PRKCH: variants seen among roughly 807,000 people sequenced by gnomAD.
The protein encoded by PRKCH is protein kinase C eta type.
Under a neutral mutation model 82.5 loss-of-function variants are expected in PRKCH, and 28 were observed. The ratio of observed to expected loss-of-function variants is 0.34; its 90% CI spans 0.25 to 0.47. The LOEUF is 0.47. Ranked by LOEUF, PRKCH falls within the 20% of genes least tolerant of loss-of-function variation. The pLI, the probability that PRKCH is intolerant of heterozygous loss-of-function variation, is 1.00. For synonymous variants in PRKCH, 322 were observed against 327.4 expected (o/e 0.98, Z 0.18); for missense variants, 705 against 881.8 (o/e 0.80, Z 2.54).
At chr14:61,276,911 T>C (rs1391207609) in intron 1 of PRKCH, among the ~76,000 whole-genome samples, 2 of 152,076 alleles carry the variant, frequency 1.3e-5, no homozygotes, top group African/African-American at 4.8e-5. Context: ...AGGCCGGGTT[T>C]GGTGGCTCAC....
chr14:61,295,150 G>A (rs1210221674), intron 1 of PRKCH, among the ~76,000 whole-genome samples: 1 of 152,182 alleles, frequency 6.6e-6, no homozygotes, highest in East Asian at 1.9e-4. Context: ...ACAGCCATGA[G>A]CCACCACGCC....
intron 2 of PRKCH, among the ~76,000 whole-genome samples, chr14:61,415,565 T>C (rs939319686): frequency 6.6e-6 from 1 of 152,246 alleles, no homozygotes; most frequent in Admixed American, 6.5e-5. Context: ...GCATTTACTT[T>C]AGGCTACACT....
At chr14:61,352,679 A>AAAG (rs145542978) in intron 1 of PRKCH, among the ~76,000 whole-genome samples, 1,342 of 120,652 alleles carry the variant, frequency 0.011, 21 homozygotes, top group African/African-American at 0.037. Flanking sequence ...AGAGAGAGAG[A>AAAG]GAAAGGAAAG....
intron 1 of PRKCH, among the ~76,000 whole-genome samples, chr14:61,313,390 A>C (rs2045539384): frequency 6.6e-6 from 1 of 152,242 alleles, no homozygotes; most frequent in South Asian, 2.1e-4. Context: ...CCATATTCAC[A>C]TGCTTCTATC....
intron 1 of PRKCH, among the ~76,000 whole-genome samples, chr14:61,378,857 C>T (rs1375296352): frequency 2.6e-5 from 4 of 152,214 alleles, no homozygotes; most frequent in Non-Finnish European, 5.9e-5. Flanking sequence ...ATCCCTTCTA[C>T]TGCTGCCTTA....
At chr14:61,299,085 T>C (rs980857631) in intron 1 of PRKCH, among the ~76,000 whole-genome samples, 2 of 152,162 alleles carry the variant, frequency 1.3e-5, no homozygotes, top group Non-Finnish European at 2.9e-5. Context: ...CACTATCTTA[T>C]GTTCAAAGAT....
At chr14:61,231,294 A>G (rs1291842798) in intron 1 of PRKCH, among the ~76,000 whole-genome samples, 3 of 152,194 alleles carry the variant, frequency 2.0e-5, no homozygotes, top group African/African-American at 7.2e-5. Flanking sequence ...AAACAATTCA[A>G]TACACAAAGT....
intron 1 of PRKCH, among the ~76,000 whole-genome samples, chr14:61,225,493 C>G (rs1271450274): frequency 2.6e-5 from 4 of 152,178 alleles, no homozygotes; most frequent in African/African-American, 9.6e-5. Flanking sequence ...TGTGAAGACA[C>G]TGAGCGCAGA....
chr14:61,254,716 C>G (rs1264484251), intron 1 of PRKCH, among the ~76,000 whole-genome samples: 1 of 152,174 alleles, frequency 6.6e-6, no homozygotes, highest in Non-Finnish European at 1.5e-5. Context: ...GGTAGGCAAG[C>G]CTTTAATTTT....
Position 61,280,410 on chromosome 14 carries a change from G to T in PRKCH, c.-19+92742G>T, listed in dbSNP as rs775861658. On this transcript the variant is annotated intron_variant, in intron 1 of 3. Coordinates refer to the PRKCH transcript ENST00000555185. This position sits in a 1 kb window ranked among gnomAD's most constrained non-coding sequence, Gnocchi z 5.0. ...GCATCCACACCACGAAGTCCTGATTGATGAAGCCGGTGTTGTTGGGGTCGG... is the reference window on the plus strand; with the variant it reads ...GCATCCACACCACGAAGTCCTGATTTATGAAGCCGGTGTTGTTGGGGTCGG... 9 of 1,614,042 alleles carry T rather than the reference G, an allele frequency of 5.6e-6. No homozygotes were observed. The East Asian group carries it at 2.0e-4, about 36-fold the overall frequency.
At chr14:61,259,529 G>A (rs938569658) in intron 1 of PRKCH, among the ~76,000 whole-genome samples, 1 of 152,226 alleles carries the variant, frequency 6.6e-6, no homozygotes, top group Non-Finnish European at 1.5e-5. Context: ...CAGGGGCTCA[G>A]CTCCCATCAA....
chr14:61,399,351 C>T (rs1407193169), intron 2 of PRKCH, among the ~76,000 whole-genome samples: 4 of 152,182 alleles, frequency 2.6e-5, no homozygotes, highest in African/African-American at 9.7e-5. Context: ...GATGCTTGAA[C>T]TTGAACATTT....
At chr14:61,389,420 G>A (rs187174613) in intron 1 of PRKCH, among the ~76,000 whole-genome samples, 20 of 152,246 alleles carry the variant, frequency 1.3e-4, no homozygotes, top group African/African-American at 4.8e-4. Flanking sequence ...GCCAGGCACA[G>A]TGACTCACAC....
At chr14:61,318,905 C>T (rs1014379801), upstream of PRKCH, among the ~76,000 whole-genome samples, 2 of 152,088 alleles carry the variant, frequency 1.3e-5, no homozygotes, top group Admixed American at 1.3e-4. Flanking sequence ...GTTGCCAAGG[C>T]TGGTCTTGAA....
chr14:61,232,467 C>T (rs1474535190), intron 1 of PRKCH, among the ~76,000 whole-genome samples: 1 of 152,220 alleles, frequency 6.6e-6, no homozygotes, highest in African/African-American at 2.4e-5. Flanking sequence ...GCCATCCACC[C>T]GCTTTGGCCT....
intron 1 of PRKCH, among the ~76,000 whole-genome samples, chr14:61,235,725 A>G (rs985410579): frequency 1.3e-5 from 2 of 152,240 alleles, no homozygotes; most frequent in Admixed American, 1.3e-4. Context: ...AAAACTTCAG[A>G]CAAATTAAAT....
chr14:61,332,622 G>C (rs1247978452), intron 1 of PRKCH, among the ~76,000 whole-genome samples: 2 of 152,296 alleles, frequency 1.3e-5, no homozygotes, highest in East Asian at 3.9e-4. Flanking sequence ...ATAAAACCAT[G>C]GTCAACATGA....
In PRKCH at chr14:61,188,600, G is replaced by GTGT. The variant is rs2044384354; in HGVS notation, c.-19+932_-19+933insTGT. ...GTGTGTGTGTGTGTCGGGGGGGTGG[G>GTGT]GGGGTGGTGTGGTGTGTGTGTGTGT... On this transcript the variant is annotated intron_variant, in intron 1 of 3. Coordinates refer to the PRKCH transcript ENST00000555185. Among the ~76,000 whole-genome samples the GTGT allele has an allele frequency of 6.3e-5, 4 of 63,104 alleles. 1 individual carries two copies. The highest frequency in any genetic ancestry group is 1.8e-4 in the African/African-American group (3 of 16,820). 41.4% of individuals were successfully genotyped at this position (63,104 alleles called of 152,430 possible).
intron 1 of PRKCH, among the ~76,000 whole-genome samples, chr14:61,362,569 C>A (rs963365401): frequency 6.6e-6 from 1 of 152,104 alleles, no homozygotes; most frequent in African/African-American, 2.4e-5. Context: ...TACATTATTA[C>A]ATATTTGTAA....
Sources: allele counts gnomAD v4.1 joint callset (sites outside exome capture counted in the v4.1 genomes callset), GRCh38; gene constraint gnomAD v4.1.1; non-coding constraint Gnocchi (gnomAD v3.1); transcripts MANE v1.5; gene names NCBI Gene and HGNC (gene_info 2026-07-23, HGNC 2026-07-21).